Variants in CARD10 observed in about 807,000 individuals in gnomAD.
CARD10 encodes the protein caspase recruitment domain family member 10.
Under a neutral mutation model 114.6 loss-of-function variants are expected in CARD10, and 49 were observed. The ratio of observed to expected loss-of-function variants is 0.43; its 90% CI spans 0.34 to 0.54. The LOEUF (loss-of-function observed/expected upper bound fraction) is 0.54, where lower values mean the gene tolerates loss of function less well. Ranked by LOEUF, CARD10 falls within the 20% of genes least tolerant of loss-of-function variation. CARD10 has a pLI of 0.03. For synonymous variants in CARD10, 602 were observed against 593.2 expected (o/e 1.01, Z -0.21); for missense variants, 1,206 against 1,397.2 (o/e 0.86, Z 2.18).
chr22:37,494,345 G>GCCCTCCCCTGC (rs1300674572), intron 15 of CARD10, 157 bp from the exon 16 acceptor site: 17 of 604,914 alleles, frequency 2.8e-5, no homozygotes, highest in Non-Finnish European at 4.4e-5. Flanking sequence ...TCTCCACCAG[G>GCCCTCCCCTGC]CCCTCCCCTG....
intron 2 of CARD10, 117 bp downstream of exon 2, chr22:37,517,854 G>T: frequency 7.5e-7 from 1 of 1,337,270 alleles, no homozygotes; most frequent in African/African-American, 1.5e-5. Flanking sequence ...GCCTCTCCAT[G>T]CCTCAGTTTC....
intron 1 of CARD10, among the ~76,000 whole-genome samples, chr22:37,518,497 C>A (rs905693453): frequency 2.0e-5 from 3 of 152,190 alleles, no homozygotes; most frequent in African/African-American, 7.2e-5. Flanking sequence ...AGTTCTGGTT[C>A]AAAGGCACAC....
chr22:37,506,768 C>T (rs1240675339), intron 6 of CARD10, among the ~76,000 whole-genome samples: 2 of 152,098 alleles, frequency 1.3e-5, no homozygotes, highest in Non-Finnish European at 2.9e-5. Flanking sequence ...AGCCAGGAGT[C>T]AAACCCAGCC....
chr22:37,494,116 G>C lies in CARD10; in HGVS notation c.2446C>G (p.Pro816Ala), dbSNP rs1922905032. Residue 816 changes from proline (P) to alanine (A), a missense_variant, in exon 16 of 20, where the codon CCG (proline) becomes GCG (alanine). By Grantham distance (27) the Pro-to-Ala change is conservative. Transcript: ENST00000251973. Reference sequence around the variant, plus strand: ...CAGGGCTCCAGCAGCAGCTGATCCGGGGAGTCCCCTGCAGGCGCCCCCACG... The same window carrying C: ...CAGGGCTCCAGCAGCAGCTGATCCGCGGAGTCCCCTGCAGGCGCCCCCACG... The part of the protein sequence containing the change: ...KPVGAPAGDS[P>A]DQLLLEPCAE... The C allele has an allele frequency of 1.3e-6, 2 of 1,559,246 alleles. No homozygotes were observed. The highest frequency in any genetic ancestry group is 1.7e-6 in the Non-Finnish European group (2 of 1,151,902).
intron 10 of CARD10, 91 bp downstream of exon 10, chr22:37,503,094 A>G (rs5756705): frequency 0.25 from 341,784 of 1,367,490 alleles, 46,047 homozygotes; most frequent in East Asian, 0.44. Context: ...TGCAGGCCAA[A>G]GGTAGCGCAG....
chr22:37,504,161 C>T (rs1028082201), intron 9 of CARD10, 25 bp downstream of exon 9: 1 of 1,493,270 alleles, frequency 6.7e-7, no homozygotes, highest in Admixed American at 2.0e-5. Context: ...CCCTGGGTGT[C>T]TACTGCTATC....
At chr22:37,500,671 G>A (rs545682653) in intron 11 of CARD10, among the ~76,000 whole-genome samples, 1 of 152,146 alleles carries the variant, frequency 6.6e-6, no homozygotes, top group Non-Finnish European at 1.5e-5. Flanking sequence ...TGAGACAGTG[G>A]GGAGGCACAT....
In CARD10 at chr22:37,504,256, G is replaced by T; in HGVS notation, c.1564C>A (p.Leu522Met). 6.3e-7 allele frequency: 1 copy of T among 1,579,746 alleles called. No individual in the cohort carries two copies. Among genetic ancestry groups the T allele is most frequent in the African/African-American group, 1.3e-5 (1 of 74,518 alleles). The change falls in exon 9 of 20, where the codon CTG (leucine) becomes ATG (methionine). Residue 522 changes from leucine (L) to methionine (M), a missense_variant. By Grantham distance (15) the Leu-to-Met change is conservative (BLOSUM62 2). Transcript: ENST00000251973. ...GAGCCGGCACTGGGGGGGAAGGGCAGGATGGAGAGCCGATTGATCTCCTTT... is the reference window on the plus strand; with the variant it reads ...GAGCCGGCACTGGGGGGGAAGGGCATGATGGAGAGCCGATTGATCTCCTTT... ...SEKEINRLSI[L>M]PFPPSAGSIL...
chr22:37,508,781 C>A, intron 4 of CARD10, 99 bp from the exon 5 acceptor site: 4 of 1,349,916 alleles, frequency 3.0e-6, no homozygotes, highest in Non-Finnish European at 4.0e-6. Flanking sequence ...TCCAAACCCA[C>A]CTGACCAGCT....
chr22:37,499,691 T>C lies in CARD10; in HGVS notation c.1788-2513A>G, dbSNP rs566383472. Reference sequence around the variant, plus strand: ...CTTGCCAACCTCCTCAAAGGACCAGTGACTTCTCTGAGCCTCCACAGACCA... The same window carrying C: ...CTTGCCAACCTCCTCAAAGGACCAGCGACTTCTCTGAGCCTCCACAGACCA... On this transcript the variant is annotated intron_variant, in intron 11 of 19. Coordinates refer to ENST00000251973, the MANE Select transcript of CARD10 (RefSeq NM_014550.4). 2.6e-5 allele frequency among the ~76,000 whole-genome samples: 4 copies of C among 152,184 alleles called. No homozygotes were observed. The South Asian group carries it at 6.2e-4, about 24-fold the overall frequency.
chr22:37,508,647 G>T lies in CARD10; in HGVS notation c.945C>A (p.Arg315=), dbSNP rs913428353. The part of the protein sequence containing the change: ...ASRPGAPGSE[R]ILLDILEHDW... ...CATGCTCTAGGATGTCCAGCAGGATGCGCTCGGAGCCCGGGGCCCCCGGCC... is the reference window on the plus strand; with the variant it reads ...CATGCTCTAGGATGTCCAGCAGGATTCGCTCGGAGCCCGGGGCCCCCGGCC... Residue 315 remains arginine (R), a synonymous_variant, in exon 5 of 20, where the codon CGC becomes CGA. Coordinates refer to ENST00000251973, the MANE Select transcript of CARD10 (RefSeq NM_014550.4). 1.3e-6 allele frequency: 2 copies of T among 1,581,736 alleles called. No homozygotes were observed. Among genetic ancestry groups the T allele is most frequent in the Non-Finnish European group, 1.7e-6 (2 of 1,167,546 alleles).
rs760911423 is a variant in CARD10, at chr22:37,507,870, C to G, written c.1150G>C (p.Val384Leu). 1.9e-6 allele frequency: 3 copies of G among 1,614,098 alleles called. No homozygotes were observed. The highest frequency in any genetic ancestry group is 2.5e-6 in the Non-Finnish European group (3 of 1,180,020). ...TCAATCTCCTCCAGTTGGGCCAGGA[C>G]AGTGGCCATGCGGTGCTTGTACAGG... ...CDLYKHRMATVLAQLEEIEKE... is the reference protein window; with the variant it reads ...CDLYKHRMATLLAQLEEIEKE... The change falls in exon 6 of 20, where the codon GTC (valine) becomes CTC (leucine). Residue 384 changes from valine (V) to leucine (L), a missense_variant. By Grantham distance (32) the Val-to-Leu change is conservative. Transcript: ENST00000251973.
chr22:37,502,006 C>A (rs1329680807), intron 11 of CARD10, among the ~76,000 whole-genome samples: 1 of 152,222 alleles, frequency 6.6e-6, no homozygotes, highest in Non-Finnish European at 1.5e-5. Flanking sequence ...CCCCGCTCTG[C>A]CCCACCCCTC....
At position 37,504,220 on chromosome 22, in the gene CARD10, G is replaced by A. The variant is rs1427351036; in HGVS notation, c.1600C>T (p.Arg534Trp). 4 of 1,574,550 alleles carry A rather than the reference G, an allele frequency of 2.5e-6. No individual in the cohort carries two copies. The highest frequency in any genetic ancestry group is 1.2e-5 in the South Asian group (1 of 85,696). Reference protein sequence around the residue: ...FPPSAGSILRRQREEDPAPPK... With the variant: ...FPPSAGSILRWQREEDPAPPK... The stretch of plus-strand genomic sequence containing the variant: ...GGTGCGGGGTCTTCCTCACGCTGCC[G>A]GCGGAGGATGGAGCCGGCACTGGGG... Residue 534 changes from arginine to tryptophan, a missense_variant, in exon 9 of 20, where the codon CGG becomes TGG. By Grantham distance (101) the Arg-to-Trp change is moderately radical (BLOSUM62 -3). Coordinates refer to ENST00000251973, the MANE Select transcript of CARD10 (RefSeq NM_014550.4).
chr22:37,509,565 C>T (rs566567156), intron 4 of CARD10, among the ~76,000 whole-genome samples: 3 of 149,540 alleles, frequency 2.0e-5, no homozygotes, highest in South Asian at 2.1e-4. Flanking sequence ...GCCTGTTTTC[C>T]GGGTCTGACC....
At chr22:37,510,189 C>A (rs558516585) in intron 4 of CARD10, 23 bp downstream of exon 4, 2 of 1,594,642 alleles carry the variant, frequency 1.3e-6, no homozygotes, top group Admixed American at 1.7e-5. Flanking sequence ...CCAGCCTGTG[C>A]CCACAAGCCC....
At chr22:37,510,509 G>T in intron 3 of CARD10, 88 bp from the exon 4 acceptor site, 2 of 1,193,446 alleles carry the variant, frequency 1.7e-6, no homozygotes, top group Non-Finnish European at 1.2e-6. Flanking sequence ...CCTCACTCCT[G>T]GGTGCCTCCC....
chr22:37,496,641 G>A lies in CARD10; in HGVS notation c.1948-81C>T. 1 of 1,001,120 alleles carries A rather than the reference G, an allele frequency of 1.0e-6. No homozygotes were observed. The highest frequency in any genetic ancestry group is 2.0e-5 in the Admixed American group (1 of 49,372). 62.0% of individuals were successfully genotyped at this position (1,001,120 alleles called of 1,614,324 possible). A position where few individuals can be genotyped will look rare whatever the true frequency, so the allele number is the denominator to read the frequency against. On this transcript the variant is annotated intron_variant, in intron 12 of 19. Coordinates refer to ENST00000251973, the MANE Select transcript of CARD10 (RefSeq NM_014550.4). This position sits in a 1 kb window ranked among gnomAD's most constrained non-coding sequence, Gnocchi z 4.1. ...CCCAGGGGCTGGAGGAAGACCAGGT[G>A]TGGGGGTGTTTCATGCCTCACAGTT...
At position 37,516,140 on chromosome 22, in the gene CARD10, G is replaced by T; in HGVS notation, c.532C>A (p.Gln178Lys). Reference sequence around the variant, plus strand: ...TGACAGCGCTCCTGAGCCTGCTGCTGGTCCCGCAGCCGCTGCTCCAGCCCT... The same window carrying T: ...TGACAGCGCTCCTGAGCCTGCTGCTTGTCCCGCAGCCGCTGCTCCAGCCCT... ...RAGLEQRLRD[Q>K]QQAQERCQRL... The change falls in exon 3 of 20, where the codon CAG (glutamine) becomes AAG (lysine). Residue 178 changes from glutamine (Q) to lysine (K), a missense_variant. Gln to Lys is a moderately conservative substitution (Grantham distance 53, BLOSUM62 1). This residue lies in a region of CARD10 where 1,068 missense variants were observed against 1,179.1 expected (regional missense o/e 0.91). Transcript: ENST00000251973. 6.3e-7 allele frequency: 1 copy of T among 1,595,570 alleles called. No individual in the cohort carries two copies. The highest frequency in any genetic ancestry group is 8.5e-7 in the Non-Finnish European group (1 of 1,171,716).
Sources: gnomAD v4.1 joint callset for allele counts (sites outside exome capture counted in the v4.1 genomes callset) on GRCh38, gnomAD v4.1.1 for gene constraint, gnomAD v4.1.1 regional missense constraint, Gnocchi (gnomAD v3.1) non-coding constraint, MANE v1.5 for transcripts, NCBI Gene and HGNC (gene_info 2026-07-23, HGNC 2026-07-21) for gene names.